The following HS3ST2 variants were observed in gnomAD, a reference collection of about 807,000 sequenced individuals.
The protein encoded by HS3ST2 is heparan sulfate-glucosamine 3-sulfotransferase 2.
HS3ST2 carries 17 observed loss-of-function variants against 26.3 expected under a neutral mutation model. That is an observed-to-expected ratio of 0.65 (90% CI 0.44 to 0.97). HS3ST2 has a LOEUF of 0.97. Ranked by LOEUF, HS3ST2 falls within the 50% of genes least tolerant of loss-of-function variation. The pLI is 0.00. For missense variants in HS3ST2, 402 were observed against 501.2 expected (o/e 0.80, Z 1.89); for synonymous variants, 237 against 219.2 (o/e 1.08, Z -0.72).
At chr16:22,832,571 T>A (rs1232109530) in intron 1 of HS3ST2, among the ~76,000 whole-genome samples, 1 of 151,928 alleles carries the variant, frequency 6.6e-6, no homozygotes, top group Non-Finnish European at 1.5e-5. Flanking sequence ...AAGATTCCAC[T>A]GTGGTCTGAG....
intron 1 of HS3ST2, among the ~76,000 whole-genome samples, chr16:22,825,550 G>A (rs1295070194): frequency 1.3e-5 from 2 of 152,284 alleles, no homozygotes; most frequent in African/African-American, 4.8e-5. Flanking sequence ...ATTCATTTAG[G>A]GGAATTTGGG....
At chr16:22,815,119 G>A (rs1448127189) in intron 1 of HS3ST2, 24 bp downstream of exon 1, 3 of 1,605,698 alleles carry the variant, frequency 1.9e-6, no homozygotes, top group South Asian at 2.2e-5. Context: ...GCTCCGCTCC[G>A]TGCGCCGGGT....
At chr16:22,852,902 T>C (rs1901537226) in intron 1 of HS3ST2, among the ~76,000 whole-genome samples, 1 of 152,100 alleles carries the variant, frequency 6.6e-6, no homozygotes, top group African/African-American at 2.4e-5. Context: ...TTTTACGTAG[T>C]CTTGGTTTCC....
At chr16:22,891,028 AGT>A (rs1157336757) in intron 1 of HS3ST2, among the ~76,000 whole-genome samples, 2 of 152,204 alleles carry the variant, frequency 1.3e-5, no homozygotes, top group Non-Finnish European at 2.9e-5. Flanking sequence ...CTGTTTAATT[AGT>A]TGTGGAATTT....
intron 1 of HS3ST2, among the ~76,000 whole-genome samples, chr16:22,882,686 G>A (rs1391335540): frequency 6.6e-6 from 1 of 151,826 alleles, no homozygotes; most frequent in Non-Finnish European, 1.5e-5. Flanking sequence ...AGCCAAGATT[G>A]TGCCACTGCA....
chr16:22,848,779 T>C (rs1353929749), intron 1 of HS3ST2, among the ~76,000 whole-genome samples: 2 of 152,190 alleles, frequency 1.3e-5, no homozygotes, highest in Non-Finnish European at 2.9e-5. Flanking sequence ...AGAGAGACCA[T>C]AACTTAACAC....
rs755575233 is a variant in HS3ST2, at chr16:22,814,999, T to C, written c.389T>C (p.Val130Ala). ...GTGAAGAAGGGGGGCACCCGGGCCGTGCTGGAGTTTATCCGAGTACACCCG... is the reference window on the plus strand; with the variant it reads ...GTGAAGAAGGGGGGCACCCGGGCCGCGCTGGAGTTTATCCGAGTACACCCG... ...VGVKKGGTRAVLEFIRVHPDV... is the reference protein window; with the variant it reads ...VGVKKGGTRAALEFIRVHPDV... Residue 130 changes from valine (V) to alanine (A), a missense_variant, in exon 1 of 2, where the codon GTG (valine) becomes GCG (alanine). Val to Ala is a moderately conservative substitution (Grantham distance 64). This residue lies in a region of HS3ST2 where 237 missense variants were observed against 346.6 expected (regional missense o/e 0.68). Transcript: ENST00000261374. 2.2e-5 allele frequency: 36 copies of C among 1,613,010 alleles called. No homozygotes were observed. Among genetic ancestry groups the C allele is most frequent in the Non-Finnish European group, 3.0e-5 (35 of 1,180,018 alleles).
At chr16:22,850,425 G>T (rs2141185459) in intron 1 of HS3ST2, among the ~76,000 whole-genome samples, 1 of 152,276 alleles carries the variant, frequency 6.6e-6, no homozygotes, top group Non-Finnish European at 1.5e-5. Context: ...GAATTTAGTT[G>T]CTTGAACCAT....
intron 1 of HS3ST2, among the ~76,000 whole-genome samples, chr16:22,882,805 G>A (rs1259041825): frequency 6.6e-6 from 1 of 152,072 alleles, no homozygotes; most frequent in Non-Finnish European, 1.5e-5. Context: ...AGCTGAGGCA[G>A]GTGGATCACG....
intron 1 of HS3ST2, among the ~76,000 whole-genome samples, chr16:22,861,000 G>A (rs1901665639): frequency 6.6e-6 from 1 of 151,772 alleles, no homozygotes. Flanking sequence ...AGCCTCCTGA[G>A]TAGCCAGGAC....
intron 1 of HS3ST2, among the ~76,000 whole-genome samples, chr16:22,870,668 T>C (rs1371371567): frequency 6.6e-6 from 1 of 152,176 alleles, no homozygotes; most frequent in Non-Finnish European, 1.5e-5. Flanking sequence ...CCTTGGGGAC[T>C]GTGCATTGTG....
rs55853160 is a variant in HS3ST2 at position 22,892,110 on chromosome 16, T to TA, written c.486-22813dup. On this transcript the variant is annotated intron_variant, in intron 1 of 1. Coordinates refer to ENST00000261374, the MANE Select transcript of HS3ST2 (RefSeq NM_006043.2). ...CAACACGGTGAAACCCCATCTCTACTAAAAAAAAAAAAAAAAAAAAATACA... is the reference window on the plus strand; with the variant it reads ...CAACACGGTGAAACCCCATCTCTACTAAAAAAAAAAAAAAAAAAAAAATACA... Among the ~76,000 whole-genome samples the TA allele has an allele frequency of 6.5e-3, 744 of 113,630 alleles. 14 individuals carry two copies. The highest frequency in any genetic ancestry group is 0.035 in the East Asian group (142 of 4,074). 74.5% of individuals were successfully genotyped at this position (113,630 alleles called of 152,430 possible).
At chr16:22,865,744 A>G (rs1351416481) in intron 1 of HS3ST2, among the ~76,000 whole-genome samples, 1 of 152,214 alleles carries the variant, frequency 6.6e-6, no homozygotes, top group Non-Finnish European at 1.5e-5. Context: ...TGTGAATAAT[A>G]TAGGAGGAAA....
At chr16:22,900,046 C>G (rs761687883) in intron 1 of HS3ST2, among the ~76,000 whole-genome samples, 1 of 152,178 alleles carries the variant, frequency 6.6e-6, no homozygotes. Context: ...CTCCTGGCAC[C>G]CAGTGTTGCC....
intron 1 of HS3ST2, among the ~76,000 whole-genome samples, chr16:22,847,548 G>A (rs148989993): frequency 1.8e-4 from 27 of 152,178 alleles, no homozygotes; most frequent in Admixed American, 1.4e-3. Context: ...TTGCAAGATC[G>A]TACTGAAACC....
intron 1 of HS3ST2, among the ~76,000 whole-genome samples, chr16:22,858,551 C>T (rs1938371763): frequency 7.3e-6 from 1 of 136,952 alleles, no homozygotes; most frequent in African/African-American, 2.8e-5. Flanking sequence ...TTTTGGAATC[C>T]TTTTTTTGTT....
At chr16:22,854,010 C>T (rs1901554631) in intron 1 of HS3ST2, among the ~76,000 whole-genome samples, 1 of 152,150 alleles carries the variant, frequency 6.6e-6, no homozygotes, top group Non-Finnish European at 1.5e-5. Context: ...CCCATGTGGT[C>T]TCACTATTGT....
intron 1 of HS3ST2, among the ~76,000 whole-genome samples, chr16:22,909,815 C>T (rs1054787267): frequency 3.0e-4 from 45 of 152,044 alleles, no homozygotes; most frequent in African/African-American, 9.9e-4. Flanking sequence ...CCAAGGTGTG[C>T]GGATCACCTA....
At chr16:22,908,898 G>C (rs1410785725) in intron 1 of HS3ST2, among the ~76,000 whole-genome samples, 1 of 152,074 alleles carries the variant, frequency 6.6e-6, no homozygotes, top group South Asian at 2.1e-4. Context: ...AAAATTCTTG[G>C]ATTGCAAGCA....
Sources: gnomAD v4.1 joint callset for allele counts (sites outside exome capture counted in the v4.1 genomes callset) on GRCh38, gnomAD v4.1.1 for gene constraint, gnomAD v4.1.1 regional missense constraint, MANE v1.5 for transcripts, NCBI Gene and HGNC (gene_info 2026-07-23, HGNC 2026-07-21) for gene names.